IPPK: variants seen among roughly 807,000 people sequenced by gnomAD.
IPPK encodes the protein IPK1 homolog.
Under a neutral mutation model 64.6 loss-of-function variants are expected in IPPK, and 22 were observed. That is an observed-to-expected ratio of 0.34 (90% CI 0.24 to 0.49). The LOEUF is 0.49. Among genes scored for constraint, IPPK ranks in the 20% least tolerant of loss-of-function variants. The pLI, the probability that IPPK is intolerant of heterozygous loss-of-function variation, is 0.99. For synonymous variants in IPPK, 262 were observed against 247.2 expected (o/e 1.06, Z -0.56); for missense variants, 532 against 630.7 (o/e 0.84, Z 1.68).
chr9:92,618,309 T>A (rs1324814397), intron 12 of IPPK: 3 of 456,458 alleles, frequency 6.6e-6, no homozygotes, highest in African/African-American at 4.0e-5. Context: ...TCCCCTCCCC[T>A]CCTAGTGTCG....
chr9:92,633,356 A>T (rs1851879875), intron 11 of IPPK, among the ~76,000 whole-genome samples: 1 of 151,428 alleles, frequency 6.6e-6, no homozygotes, highest in African/African-American at 2.4e-5. Flanking sequence ...AGGTGGCAGA[A>T]ATGTAAAATA....
intron 11 of IPPK, among the ~76,000 whole-genome samples, chr9:92,629,082 G>C (rs529080548): frequency 6.6e-6 from 1 of 151,692 alleles, no homozygotes; most frequent in African/African-American, 2.4e-5. Context: ...AGCAAGACCC[G>C]ACCCTGTCTC....
chr9:92,658,702 T>G (rs775985573), intron 1 of IPPK, 21 bp from the exon 2 acceptor site: 17 of 1,611,578 alleles, frequency 1.1e-5, no homozygotes, highest in Non-Finnish European at 1.4e-5. Flanking sequence ...ATAAAACAAA[T>G]CTGATTAGTA....
At chr9:92,645,623 T>C (rs1487403299) in intron 6 of IPPK, among the ~76,000 whole-genome samples, 1 of 151,882 alleles carries the variant, frequency 6.6e-6, no homozygotes, top group Non-Finnish European at 1.5e-5. Context: ...GCTCATCCCA[T>C]ACAAAGCACC....
chr9:92,655,527 C>G (rs933135033), intron 3 of IPPK, among the ~76,000 whole-genome samples: 1 of 152,114 alleles, frequency 6.6e-6, no homozygotes, highest in African/African-American at 2.4e-5. Flanking sequence ...TGGAAATGCT[C>G]CCCTATCCTG....
chr9:92,659,958 T>C (rs374665736), intron 1 of IPPK, among the ~76,000 whole-genome samples: 12 of 152,040 alleles, frequency 7.9e-5, no homozygotes, highest in South Asian at 4.2e-4. Flanking sequence ...CCAAGATCAA[T>C]GGCATGCATG....
chr9:92,634,963 G>GTC (rs1851911437), intron 10 of IPPK, among the ~76,000 whole-genome samples, 195 bp downstream of exon 10: 1 of 152,238 alleles, frequency 6.6e-6, no homozygotes, highest in Non-Finnish European at 1.5e-5. Context: ...CTAGAAACAA[G>GTC]TGACCCTGTT....
rs114987057 is a variant in IPPK, at chr9:92,639,388, G to T, written c.637-1108C>A. On this transcript the variant is annotated intron_variant, in intron 8 of 12. Coordinates refer to ENST00000287996, the MANE Select transcript of IPPK (RefSeq NM_022755.6). ...CAGAGCTTTCAGGGTTTTCTGTCTTGCTGGCTTTCAATACTGAACCGGACC... is the reference window on the plus strand; with the variant it reads ...CAGAGCTTTCAGGGTTTTCTGTCTTTCTGGCTTTCAATACTGAACCGGACC... Among the ~76,000 whole-genome samples, 944 of 152,304 alleles carry T rather than the reference G, an allele frequency of 6.2e-3. 9 individuals carry two copies. The highest frequency in any genetic ancestry group is 0.022 in the African/African-American group (907 of 41,562).
intron 1 of IPPK, among the ~76,000 whole-genome samples, chr9:92,663,151 A>C (rs1852521491): frequency 6.6e-6 from 1 of 152,250 alleles, no homozygotes; most frequent in African/African-American, 2.4e-5. Flanking sequence ...ATAAAGACAA[A>C]ATACAGTCAT....
chr9:92,667,867 C>A (rs1208938253), intron 1 of IPPK, among the ~76,000 whole-genome samples: 3 of 151,908 alleles, frequency 2.0e-5, no homozygotes, highest in Non-Finnish European at 4.4e-5. Context: ...TGCGCCACTG[C>A]AGTCCAGCCT....
chr9:92,660,344 T>C (rs773165548), intron 1 of IPPK, among the ~76,000 whole-genome samples: 2 of 152,208 alleles, frequency 1.3e-5, no homozygotes, highest in Non-Finnish European at 2.9e-5. Flanking sequence ...ATGAAATCCC[T>C]GATCAGTGTA....
In IPPK at chr9:92,656,506, C is replaced by T; in HGVS notation, c.175G>A (p.Gly59Arg). ...AAAAACTCCTTCATGACATTTTTCC[C>T]AAAGTCCACTATGTTCTGCAGGTGT... ...FQHLQNIVDF[G>R]KNVMKEFLGE... The change falls in exon 3 of 13, where the codon GGG (glycine) becomes AGG (arginine). Residue 59 changes from glycine to arginine, a missense_variant. Physicochemically the swap from Gly to Arg is moderately radical, Grantham distance 125. Transcript: ENST00000287996. 1.9e-6 allele frequency: 3 copies of T among 1,613,798 alleles called. No homozygotes were observed.
At chr9:92,666,180 G>A (rs753492784) in intron 1 of IPPK, among the ~76,000 whole-genome samples, 1 of 152,220 alleles carries the variant, frequency 6.6e-6, no homozygotes, top group South Asian at 2.1e-4. Context: ...GTCATGACAG[G>A]AGTGGGCCAC....
At chr9:92,658,394 C>T (rs1023011018) in intron 2 of IPPK, among the ~76,000 whole-genome samples, 2 of 152,240 alleles carry the variant, frequency 1.3e-5, no homozygotes, top group Admixed American at 1.3e-4. Context: ...GCAGGACCTA[C>T]AGGCCAGGCC....
At chr9:92,653,780 C>G (rs886598420) in intron 3 of IPPK, among the ~76,000 whole-genome samples, 1 of 152,188 alleles carries the variant, frequency 6.6e-6, no homozygotes, top group Non-Finnish European at 1.5e-5. Context: ...ACCTGGGAGG[C>G]AGAGGTTGCA....
At chr9:92,649,400 C>A in intron 5 of IPPK, 53 bp downstream of exon 5, 1 of 1,607,490 alleles carries the variant, frequency 6.2e-7, no homozygotes, top group Non-Finnish European at 8.5e-7. Flanking sequence ...GGACTTACTA[C>A]CCAAGACTGA....
chr9:92,632,154 A>T (rs1851857656), intron 11 of IPPK, among the ~76,000 whole-genome samples: 1 of 152,180 alleles, frequency 6.6e-6, no homozygotes, highest in Admixed American at 6.5e-5. Context: ...TCCAGTTTTT[A>T]GCTGTTACAA....
chr9:92,650,941 T>C (rs893791190), intron 4 of IPPK, among the ~76,000 whole-genome samples: 3 of 152,090 alleles, frequency 2.0e-5, no homozygotes, highest in Non-Finnish European at 4.4e-5. Flanking sequence ...TCCTTTAACA[T>C]AATGAGCCTT....
chr9:92,635,070 A>G lies in IPPK; in HGVS notation c.1067+88T>C. The G allele has an allele frequency of 7.7e-7, 1 of 1,293,182 alleles. No homozygotes were observed. The allele number at this position is 1,293,182 out of a possible 1,614,324, so 80.1% of individuals were successfully genotyped here. A position where few individuals can be genotyped will look rare whatever the true frequency, so the allele number is the denominator to read the frequency against. ...GCCGGCATGCTTCATCCTCCTGGGA[A>G]GCTGTGCCTTGGGAGGCGCATTCTT... On this transcript the variant is annotated intron_variant, in intron 10 of 12. Coordinates refer to ENST00000287996, the MANE Select transcript of IPPK (RefSeq NM_022755.6). This position sits in a 1 kb window ranked among gnomAD's most constrained non-coding sequence, Gnocchi z 4.4.
Sources: gnomAD v4.1 joint callset for allele counts (sites outside exome capture counted in the v4.1 genomes callset) on GRCh38, gnomAD v4.1.1 for gene constraint, Gnocchi (gnomAD v3.1) non-coding constraint, MANE v1.5 for transcripts, NCBI Gene and HGNC (gene_info 2026-07-23, HGNC 2026-07-21) for gene names.